TENM2: variants seen among roughly 807,000 people sequenced by gnomAD.
TENM2 encodes teneurin transmembrane protein 2.
TENM2 carries 52 observed loss-of-function variants against 245.2 expected under a neutral mutation model. The ratio of observed to expected loss-of-function variants is 0.21; its 90% CI spans 0.17 to 0.27. TENM2 has a LOEUF of 0.27. Among genes scored for constraint, TENM2 ranks in the 10% least tolerant of loss-of-function variants. The pLI, the probability that TENM2 is intolerant of heterozygous loss-of-function variation, is 1.00. For synonymous variants in TENM2, 1,363 were observed against 1,438.9 expected (o/e 0.95, Z 1.19); for missense variants, 3,046 against 3,666.8 (o/e 0.83, Z 4.37).
Position 167,446,788 on chromosome 5 carries a change from A to AACGC in TENM2, c.502+71317_502+71318insGCAC, listed in dbSNP as rs1374181730. Reference sequence around the variant, plus strand: ...TTACTCACCCCATCTCAGTTTTTGAAACACGCACACACACACACACACACA... The same window carrying AACGC: ...TTACTCACCCCATCTCAGTTTTTGAAACGCACACGCACACACACACACACACACA... On this transcript the variant is annotated intron_variant, in intron 2 of 28. Coordinates refer to ENST00000518659, the Ensembl canonical transcript of TENM2. 2.7e-3 allele frequency among the ~76,000 whole-genome samples: 252 copies of AACGC among 92,338 alleles called. 3 individuals carry two copies. The highest frequency in any genetic ancestry group is 0.01 in the African/African-American group (243 of 23,836). The allele number at this position is 92,338 out of a possible 152,430, so 60.6% of individuals were successfully genotyped here.
At chr5:167,995,472 A>C (rs1439291790) in intron 5 of TENM2, among the ~76,000 whole-genome samples, 1 of 152,180 alleles carries the variant, frequency 6.6e-6, no homozygotes, top group African/African-American at 2.4e-5. Flanking sequence ...TATGACACAA[A>C]ATGAGTGATA....
At chr5:167,683,089 T>C (rs1294296304) in intron 2 of TENM2, among the ~76,000 whole-genome samples, 1 of 152,182 alleles carries the variant, frequency 6.6e-6, no homozygotes, top group Non-Finnish European at 1.5e-5. Context: ...GTATTGGACA[T>C]GTCTGTTACC....
chr5:167,111,369 T>C, the TENM2 span, among the ~76,000 whole-genome samples: 1 of 152,166 alleles, frequency 6.6e-6, no homozygotes, highest in Non-Finnish European at 1.5e-5. Context: ...TGTTCACTGA[T>C]ATGGTTTTTA....
the TENM2 span, among the ~76,000 whole-genome samples, chr5:167,082,967 G>GC: frequency 6.6e-6 from 1 of 151,868 alleles, no homozygotes; most frequent in Non-Finnish European, 1.5e-5. Flanking sequence ...CATTGGGAAG[G>GC]CAATGCTGGA....
chr5:167,447,051 G>A (rs961232876), intron 2 of TENM2, among the ~76,000 whole-genome samples: 1 of 152,182 alleles, frequency 6.6e-6, no homozygotes, highest in Non-Finnish European at 1.5e-5. Context: ...GGAATTGGAA[G>A]CATTTCACAT....
intron 7 of TENM2, among the ~76,000 whole-genome samples, chr5:168,086,349 G>T (rs1221742970): frequency 1.3e-5 from 2 of 152,198 alleles, no homozygotes; most frequent in Admixed American, 6.5e-5. Context: ...ATTTGCTATG[G>T]TTTATTTCTT....
At chr5:167,862,367 G>A (rs143926965) in intron 2 of TENM2, among the ~76,000 whole-genome samples, 79 of 152,250 alleles carry the variant, frequency 5.2e-4, no homozygotes, top group African/African-American at 1.7e-3. Context: ...ACTAGGCTCC[G>A]TGAGTATCAT....
chr5:167,140,181 G>A, the TENM2 span, among the ~76,000 whole-genome samples: 3 of 152,058 alleles, frequency 2.0e-5, no homozygotes, highest in Admixed American at 1.3e-4. Context: ...TGGATACATA[G>A]TAGGTATATA....
chr5:167,080,247 G>T, the TENM2 span, among the ~76,000 whole-genome samples: 1 of 152,070 alleles, frequency 6.6e-6, no homozygotes, highest in African/African-American at 2.4e-5. Context: ...TATTGGTATT[G>T]GTCTTCTAGG....
chr5:167,404,919 T>C (rs968000742), intron 2 of TENM2, among the ~76,000 whole-genome samples: 4 of 152,092 alleles, frequency 2.6e-5, no homozygotes, highest in African/African-American at 9.6e-5. Flanking sequence ...AATTCAGAAC[T>C]CTTAGCAGTC....
chr5:167,449,563 GATAGATAAA>G (rs1561965036), intron 2 of TENM2, among the ~76,000 whole-genome samples: 1 of 112,866 alleles, frequency 8.9e-6, no homozygotes, highest in African/African-American at 3.4e-5. Context: ...TAGATAGATA[GATAGATAAA>G]GACAGTTTTT....
intron 2 of TENM2, among the ~76,000 whole-genome samples, chr5:167,848,494 C>T (rs763838365): frequency 2.1e-4 from 32 of 152,090 alleles, no homozygotes; most frequent in Admixed American, 1.1e-3. Flanking sequence ...CATATATACA[C>T]ACACATATAT....
chr5:167,445,088 G>A (rs1561961328), intron 2 of TENM2, among the ~76,000 whole-genome samples: 1 of 151,970 alleles, frequency 6.6e-6, no homozygotes, highest in Non-Finnish European at 1.5e-5. Context: ...TTACCTGCTT[G>A]TAATAGTAGT....
chr5:167,777,483 T>C lies in TENM2; in HGVS notation c.503-98503T>C, dbSNP rs1763892801. 2.0e-5 allele frequency among the ~76,000 whole-genome samples: 3 copies of C among 152,136 alleles called. No homozygotes were observed. The South Asian group carries it at 6.2e-4, about 32-fold the overall frequency. ...TTTGATCCAATCAGTGTTTGGGAGGTGGTACGACATATTTGTTAGCAATGC... is the reference window on the plus strand; with the variant it reads ...TTTGATCCAATCAGTGTTTGGGAGGCGGTACGACATATTTGTTAGCAATGC... On this transcript the variant is annotated intron_variant, in intron 2 of 28. Transcript: ENST00000518659.
exon 2 of TENM2, chr5:167,375,199 A>T (rs914278209): frequency 1.4e-5 from 21 of 1,551,250 alleles, no homozygotes; most frequent in Non-Finnish European, 1.8e-5. Flanking sequence ...TCACCCTAGG[A>T]ACCAACTTCA....
intron 7 of TENM2, among the ~76,000 whole-genome samples, chr5:168,069,879 C>T (rs755908421): frequency 6.6e-6 from 1 of 152,044 alleles, no homozygotes; most frequent in African/African-American, 2.4e-5. Context: ...AGAGGAAAGC[C>T]TTGGTAAATA....
the TENM2 span, among the ~76,000 whole-genome samples, chr5:167,030,892 G>C: frequency 6.6e-6 from 1 of 152,150 alleles, no homozygotes; most frequent in East Asian, 1.9e-4. Context: ...TTGGGCTGAT[G>C]GTGGGTATTA....
At chr5:167,473,677 T>C (rs1399215312) in intron 2 of TENM2, among the ~76,000 whole-genome samples, 1 of 152,090 alleles carries the variant, frequency 6.6e-6, no homozygotes, top group East Asian at 1.9e-4. Flanking sequence ...CAATGTCCAG[T>C]AGGGGGTTAG....
chr5:167,581,253 A>G (rs1775074101), intron 2 of TENM2, among the ~76,000 whole-genome samples: 1 of 152,254 alleles, frequency 6.6e-6, no homozygotes, highest in Admixed American at 6.5e-5. Context: ...GCAATAAAAC[A>G]TATGCTATAT....
Sources: allele counts gnomAD v4.1 joint callset (sites outside exome capture counted in the v4.1 genomes callset), GRCh38; gene constraint gnomAD v4.1.1; transcripts MANE v1.5; gene names NCBI Gene and HGNC (gene_info 2026-07-23, HGNC 2026-07-21).